KCND1: variants seen among roughly 807,000 people sequenced by gnomAD.
The protein encoded by KCND1 is A-type voltage-gated potassium channel KCND1.
In KCND1, 11 loss-of-function variants were observed where a neutral mutation model predicts 31.8. The observed-to-expected ratio is 0.35, with a 90% confidence interval of 0.22 to 0.57. KCND1 has a LOEUF of 0.57. KCND1 is among the 20% of genes least tolerant of loss of function. The pLI, the probability that KCND1 is intolerant of heterozygous loss-of-function variation, is 0.85. For synonymous variants in KCND1, 234 were observed against 248.1 expected, an observed-to-expected ratio of 0.94 and a Z score of 0.53; for missense variants, 471 against 596.8, an observed-to-expected ratio of 0.79 and a Z score of 2.20.
At chrX:48,967,458 CG>C (rs1381083201) in intron 1 of KCND1, 7 of 195,842 alleles carry the variant, frequency 3.6e-5, no homozygotes, top group African/African-American at 2.1e-4. Context: ...CTTCAAGTCC[CG>C]GGAGGAGTGT....
Position 48,969,582 on chromosome X carries a change from G to T in KCND1, c.690C>A (p.Ala230=). 8.3e-7 allele frequency: 1 copy of T among 1,210,561 alleles called. No homozygotes were observed. Among genetic ancestry groups the T allele is most frequent in the Non-Finnish European group, 1.1e-6 (1 of 894,852 alleles). The change falls in exon 1 of 6, where the codon GCC becomes GCA. Residue 230 remains alanine, a synonymous_variant. Transcript: ENST00000218176. ...EQPCGERFPQ[A]FFCMDTACVL... is the part of the protein sequence containing the mutation. ...CACAGGCTGTGTCCATGCAGAAAAA[G>T]GCCTGTGGGAAGCGTTCGCCACAGG...
intron 1 of KCND1, 21 bp downstream of exon 1, chrX:48,969,130 C>T (rs1357993648): frequency 8.4e-7 from 1 of 1,191,361 alleles, no homozygotes; most frequent in African/African-American, 1.8e-5. Context: ...GGGCAGCCCC[C>T]AACGCAGAGT....
rs376539061 is a variant in KCND1, at chrX:48,966,763, C to T, written c.1366G>A (p.Glu456Lys). ...ACCCTATCCAGGCCCCGACCCACCT[C>T]AAGGCCCCCATTCTGCTTGTACTGC... is the stretch of plus-strand genomic sequence containing the variant. ...FLQYKQNGGL[E>K]DSGSGEEQAL... The change falls in exon 3 of 6, where the codon GAG (glutamate) becomes AAG (lysine). Residue 456 changes from glutamate to lysine, a missense_variant and splice_region_variant. Around this residue, in one of 3 missense-constraint regions of KCND1, gnomAD observed 185 missense variants for 184.7 expected, o/e 1.00. Transcript: ENST00000218176. 17 of 1,204,694 alleles carry T rather than the reference C, an allele frequency of 1.4e-5. No individual in the cohort carries two copies. The African/African-American group carries it at 2.0e-4, about 14-fold the overall frequency.
intron 1 of KCND1, chrX:48,968,092 C>T (rs1372231207): frequency 1.8e-5 from 2 of 111,593 alleles, no homozygotes; most frequent in Non-Finnish European, 3.8e-5. Context: ...GGGGTTTCTA[C>T]GCTTTAGAAA....
intron 5 of KCND1, among the ~76,000 whole-genome samples, chrX:48,963,966 C>T (rs2064337187): frequency 8.9e-6 from 1 of 112,262 alleles, no homozygotes; most frequent in Non-Finnish European, 1.9e-5. Context: ...GGCCTTTGCA[C>T]AGGCTGTTCA....
At chrX:48,964,802 T>C (rs1424812182) in intron 5 of KCND1, among the ~76,000 whole-genome samples, 7 of 105,513 alleles carry the variant, frequency 6.6e-5, no homozygotes, top group Non-Finnish European at 1.4e-4. Context: ...GGCAGGTGGA[T>C]CATGAGGTCA....
intron 5 of KCND1, among the ~76,000 whole-genome samples, chrX:48,964,613 A>C (rs185746713): frequency 2.8e-5 from 3 of 108,673 alleles, no homozygotes; most frequent in African/African-American, 1.0e-4. Context: ...GCCACTTAGG[A>C]GGCTGAGGCA....
In KCND1 at chrX:48,966,109, C is replaced by A; in HGVS notation, c.1664G>T (p.Ser555Ile). The A allele has an allele frequency of 4.1e-6, 5 of 1,210,805 alleles. No individual in the cohort carries two copies. The highest frequency in any genetic ancestry group is 5.6e-6 in the Non-Finnish European group (5 of 895,437). Residue 555 changes from serine (S) to isoleucine (I), a missense_variant, in exon 5 of 6, where the codon AGC (serine) becomes ATC (isoleucine). This residue lies in a region of KCND1 where 185 missense variants were observed against 184.7 expected (regional missense o/e 1.00). Transcript: ENST00000218176. ...TGCCAGCATGTCCAGCTCCTGCATGCTGCCACGGCTGACTGAGGCAGTGGA... is the reference window on the plus strand; with the variant it reads ...TGCCAGCATGTCCAGCTCCTGCATGATGCCACGGCTGACTGAGGCAGTGGA... ...ANSTASVSRG[S>I]MQELDMLAGL...
At position 48,969,477 on chromosome X, in the gene KCND1, G is replaced by A; in HGVS notation, c.795C>T (p.Ser265=). 8.3e-7 allele frequency: 1 copy of A among 1,211,560 alleles called. No individual in the cohort carries two copies. Among genetic ancestry groups the A allele is most frequent in the Non-Finnish European group, 1.1e-6 (1 of 895,220 alleles). The part of the protein sequence containing the change: ...SRCRFLRSVM[S]LIDVVAILPY... ...GCAGGATGGCCACCACGTCGATGAG[G>A]CTCATGACACTCCGCAGGAAGCGGC... Residue 265 remains serine (S), a synonymous_variant, in exon 1 of 6, where the codon AGC becomes AGT. Coordinates refer to ENST00000218176, the MANE Select transcript of KCND1 (RefSeq NM_004979.6).
intron 5 of KCND1, among the ~76,000 whole-genome samples, chrX:48,965,014 TAAA>T (rs1208544033): frequency 1.4e-5 from 1 of 73,663 alleles, no homozygotes. Flanking sequence ...AGACTCCGTC[TAAA>T]AAAAAAAAAA....
rs782398282 is a variant in KCND1 at position 48,969,156 on chromosome X, C to T, written c.1116G>A (p.Thr372=). ...AACGCAGAGTCCACACTCACCCAAG[C>T]GTGGTCATGGTGACAATGGTATACC... ...AFWYTIVTMT[T]LGYGDMVPST... Residue 372 remains threonine, a synonymous_variant, in exon 1 of 6, where the codon ACG becomes ACA. Transcript: ENST00000218176. 6 of 1,208,873 alleles carry T rather than the reference C, an allele frequency of 5.0e-6. No individual in the cohort carries two copies. Among genetic ancestry groups the T allele is most frequent in the South Asian group, 3.5e-5 (2 of 56,380 alleles).
intron 5 of KCND1, among the ~76,000 whole-genome samples, chrX:48,964,813 G>A (rs1167886931): frequency 9.5e-6 from 1 of 105,360 alleles, no homozygotes; most frequent in Non-Finnish European, 1.9e-5. Context: ...CATGAGGTCA[G>A]GAGATCGATA....
chrX:48,966,172 G>A lies in KCND1; in HGVS notation c.1601C>T (p.Pro534Leu), dbSNP rs1557057957. ...GATGGCGCGGCGCTTGGCCCTGCGA[G>A]GGCAGCAAGAAGACAGCAGGCTTCC... ...GPGSLLSSCC[P>L]RRAKRRAIRL... Residue 534 changes from proline (P) to leucine (L), a missense_variant, in exon 5 of 6, where the codon CCT becomes CTT. Physicochemically the swap from Pro to Leu is moderately conservative, Grantham distance 98. Transcript: ENST00000218176. 1 of 1,210,584 alleles carries A rather than the reference G, an allele frequency of 8.3e-7. No individual in the cohort carries two copies. Among genetic ancestry groups the A allele is most frequent in the East Asian group, 3.0e-5 (1 of 33,844 alleles).
chrX:48,966,359 C>T, intron 4 of KCND1, 54 bp from the exon 5 acceptor site: 38 of 1,146,705 alleles, frequency 3.3e-5, no homozygotes, highest in Non-Finnish European at 4.3e-5. Context: ...GCTGATCCCA[C>T]CCTCAAGCCT....
In KCND1 at chrX:48,970,200, C is replaced by A; in HGVS notation, c.72G>T (p.Gln24His). 8.3e-7 allele frequency: 1 copy of A among 1,208,940 alleles called. No individual in the cohort carries two copies. The highest frequency in any genetic ancestry group is 1.1e-6 in the Non-Finnish European group (1 of 894,220). The change falls in exon 1 of 6, where the codon CAG (glutamine) becomes CAT (histidine). Residue 24 changes from glutamine to histidine, a missense_variant. Coordinates refer to ENST00000218176, the MANE Select transcript of KCND1 (RefSeq NM_004979.6). ...AAAVGWLPLA[Q>H]QPLPPAPGVK... is the part of the protein sequence containing the mutation. ...CCCCCGGTGCCGGGGGCAGGGGTTG[C>A]TGGGCCAGGGGCAGCCAGCCCACTG...
rs1230432769 is a variant in KCND1 at position 48,962,751 on chromosome X, G to A, written c.1774C>T (p.Arg592Trp). 4.2e-5 allele frequency: 51 copies of A among 1,208,586 alleles called. No homozygotes were observed. The highest frequency in any genetic ancestry group is 5.4e-5 in the Non-Finnish European group (48 of 894,660). ...CTGATAATGGCAGCCACGAAGTCCCGGCTGTCGCAGTTCAGGTCAAGGCTG... is the reference window on the plus strand; with the variant it reads ...CTGATAATGGCAGCCACGAAGTCCCAGCTGTCGCAGTTCAGGTCAAGGCTG... ...HDSLDLNCDS[R>W]DFVAAIISIP... The change falls in exon 6 of 6, where the codon CGG (arginine) becomes TGG (tryptophan). Residue 592 changes from arginine to tryptophan, a missense_variant. By Grantham distance (101) the Arg-to-Trp change is moderately radical. This residue lies in a region of KCND1 where 185 missense variants were observed against 184.7 expected (regional missense o/e 1.00). Transcript: ENST00000218176.
intron 1 of KCND1, 125 bp downstream of exon 1, chrX:48,969,026 C>T: frequency 1.4e-6 from 1 of 721,835 alleles, no homozygotes. Flanking sequence ...TGTACTCCAG[C>T]CTGGGCGACA....
intron 4 of KCND1, 129 bp downstream of exon 4, chrX:48,966,449 G>A: frequency 2.0e-6 from 2 of 1,004,132 alleles, no homozygotes; most frequent in South Asian, 4.6e-5. Flanking sequence ...TGGCTCTCCT[G>A]TAGCCTCTTC....
intron 5 of KCND1, among the ~76,000 whole-genome samples, chrX:48,965,078 G>A (rs1445637019): frequency 6.2e-5 from 6 of 96,363 alleles, no homozygotes; most frequent in Admixed American, 2.3e-4. Context: ...TTTAGACAGC[G>A]TTTCACTCTT....
Sources: allele counts gnomAD v4.1 joint callset (sites outside exome capture counted in the v4.1 genomes callset), GRCh38; gene constraint gnomAD v4.1.1; regional missense constraint gnomAD v4.1.1; transcripts MANE v1.5; gene names NCBI Gene and HGNC (gene_info 2026-07-23, HGNC 2026-07-21).